The following DDX6 variants were observed in gnomAD, a reference collection of about 807,000 sequenced individuals.
The protein encoded by DDX6 is probable ATP-dependent RNA helicase DDX6.
A neutral mutation model predicts 60.6 loss-of-function variants in DDX6; 7 were observed. The observed-to-expected ratio is 0.12, with a 90% CI of 0.07 to 0.22. The LOEUF (loss-of-function observed/expected upper bound fraction) is 0.22, where lower values mean the gene tolerates loss of function less well. Ranked by LOEUF, DDX6 falls within the 10% of genes least tolerant of loss-of-function variation. The probability of loss-of-function intolerance (pLI) is 1.00; values close to 1 mark genes in which losing one functional copy is unlikely to be tolerated. For missense variants in DDX6, 270 were observed against 589.9 expected (o/e 0.46, Z 5.62); for synonymous variants, 207 against 201.0 (o/e 1.03, Z -0.25).
At position 118,786,337 on chromosome 11, in the gene DDX6, A is replaced by C. The variant is rs1862073757; in HGVS notation, c.-86T>G. 1 of 1,152,148 alleles carries C rather than the reference A, an allele frequency of 8.7e-7. No homozygotes were observed. Among genetic ancestry groups the C allele is most frequent in the Non-Finnish European group, 1.2e-6 (1 of 816,286 alleles). The allele number at this position is 1,152,148 out of a possible 1,614,324, so 71.4% of individuals were successfully genotyped here. The stretch of plus-strand genomic sequence containing the variant: ...GTAATAACAGTTTATTAGGCTCTCC[A>C]AAATGAAGAGATAAATATAAGTCTT... On this transcript the variant is annotated 5_prime_UTR_variant, in exon 2 of 14. Transcript: ENST00000534980.
chr11:118,758,264 T>C (rs1861044629), intron 9 of DDX6, among the ~76,000 whole-genome samples: 1 of 152,224 alleles, frequency 6.6e-6, no homozygotes, highest in African/African-American at 2.4e-5. Context: ...GTCAAAGTAT[T>C]TCAGAAACTA....
chr11:118,786,355 TAA>T lies in DDX6; in HGVS notation c.-106_-105del. 9.9e-7 allele frequency: 1 copy of T among 1,006,396 alleles called. No homozygotes were observed. Among genetic ancestry groups the T allele is most frequent in the Non-Finnish European group, 1.4e-6 (1 of 697,838 alleles). 62.3% of individuals were successfully genotyped at this position (1,006,396 alleles called of 1,614,324 possible). A position where few individuals can be genotyped will look rare whatever the true frequency, so the allele number is the denominator to read the frequency against. On this transcript the variant is annotated 5_prime_UTR_variant, in exon 2 of 14. Coordinates refer to ENST00000534980, the MANE Select transcript of DDX6 (RefSeq NM_004397.6). ...GCTCTCCAAAATGAAGAGATAAATA[TAA>T]GTCTTGCTCAATAAATGAGTCCTTT... is the stretch of plus-strand genomic sequence containing the variant.
chr11:118,762,911 T>C (rs1861223495), intron 7 of DDX6, among the ~76,000 whole-genome samples: 1 of 152,192 alleles, frequency 6.6e-6, no homozygotes, highest in Non-Finnish European at 1.5e-5. Context: ...TAAAAATTAA[T>C]CACAGAGCAG....
intron 13 of DDX6, among the ~76,000 whole-genome samples, chr11:118,753,856 A>C (rs1860871158): frequency 6.6e-6 from 1 of 152,048 alleles, no homozygotes; most frequent in Non-Finnish European, 1.5e-5. Context: ...TCCCTTTAGG[A>C]GGCTGAGGCG....
chr11:118,776,440 A>G (rs1383036129), intron 4 of DDX6, among the ~76,000 whole-genome samples: 2 of 152,184 alleles, frequency 1.3e-5, no homozygotes, highest in Non-Finnish European at 2.9e-5. Flanking sequence ...GACATGAGTT[A>G]CCTAAGTTTC....
intron 9 of DDX6, 94 bp downstream of exon 9, chr11:118,758,680 T>G: frequency 1.3e-6 from 2 of 1,487,838 alleles, no homozygotes; most frequent in Non-Finnish European, 1.8e-6. Flanking sequence ...CACTACGAAC[T>G]TTTATACAGT....
rs1367156308 is a variant in DDX6, at chr11:118,751,702, CAG to C, written c.*401_*402del. The C allele has an allele frequency of 1.5e-5, 4 of 274,644 alleles. No individual in the cohort carries two copies. The highest frequency in any genetic ancestry group is 9.1e-5 in the African/African-American group (4 of 43,830). The allele number at this position is 274,644 out of a possible 1,614,324, so 17.0% of individuals were successfully genotyped here. On this transcript the variant is annotated 3_prime_UTR_variant, in exon 14 of 14. Coordinates refer to ENST00000534980, the MANE Select transcript of DDX6 (RefSeq NM_004397.6). ...CAGGCTTAAAAAACGGATGAGGAATCAGGGAGAAGTTGAAATGCACGAGAGTC... is the reference window on the plus strand; with the variant it reads ...CAGGCTTAAAAAACGGATGAGGAATCGGAGAAGTTGAAATGCACGAGAGTC...
At chr11:118,756,029 C>CCCCA (rs1491121650) in intron 11 of DDX6, among the ~76,000 whole-genome samples, 5 of 95,032 alleles carry the variant, frequency 5.3e-5, no homozygotes, top group Admixed American at 1.2e-4. Context: ...CCCCCCCCCC[C>CCCCA]AAAAAAAAGA....
intron 4 of DDX6, among the ~76,000 whole-genome samples, chr11:118,777,897 G>GAAAAAAAAAAA (rs374046858): frequency 3.0e-5 from 3 of 99,638 alleles, no homozygotes; most frequent in Non-Finnish European, 5.6e-5. Flanking sequence ...TCAAAAAAGA[G>GAAAAAAAAAAA]AAAAAAAAAA....
At chr11:118,769,126 T>C (rs1555161896) in intron 4 of DDX6, among the ~76,000 whole-genome samples, 1 of 151,022 alleles carries the variant, frequency 6.6e-6, no homozygotes, top group Non-Finnish European at 1.5e-5. Context: ...ACCCCATCTC[T>C]ACAAAAATTT....
intron 13 of DDX6, among the ~76,000 whole-genome samples, chr11:118,753,443 G>A (rs1485641750): frequency 6.7e-6 from 1 of 148,328 alleles, no homozygotes; most frequent in Non-Finnish European, 1.5e-5. Flanking sequence ...AGGTTCAAGT[G>A]ATTCGCCTGC....
intron 4 of DDX6, 33 bp downstream of exon 4, chr11:118,779,599 A>G (rs782282645): frequency 2.9e-6 from 4 of 1,396,222 alleles, no homozygotes; most frequent in Non-Finnish European, 3.0e-6. Flanking sequence ...TTGACACATA[A>G]CCTTACATAT....
Position 118,751,403 on chromosome 11 carries a change from G to A in DDX6, c.*702C>T, listed in dbSNP as rs1285402598. On this transcript the variant is annotated 3_prime_UTR_variant, in exon 14 of 14. Coordinates refer to ENST00000534980, the MANE Select transcript of DDX6 (RefSeq NM_004397.6). ...CATGTATTTACAGTGCGGATGAACT[G>A]CAGTTGCATATCAACTCCTCCCCAA... is the stretch of plus-strand genomic sequence containing the variant. 6.6e-6 allele frequency: 1 copy of A among 151,672 alleles called. No individual in the cohort carries two copies. Among genetic ancestry groups the A allele is most frequent in the Non-Finnish European group, 1.5e-5 (1 of 67,968 alleles). 9.4% of individuals were successfully genotyped at this position (151,672 alleles called of 1,614,324 possible).
intron 11 of DDX6, 132 bp downstream of exon 11, chr11:118,756,128 C>A: frequency 1.6e-6 from 1 of 628,104 alleles, no homozygotes; most frequent in Non-Finnish European, 2.7e-6. Flanking sequence ...TCATTTTCAA[C>A]TTCAGAAATC....
intron 13 of DDX6, among the ~76,000 whole-genome samples, chr11:118,753,258 G>A (rs1860842198): frequency 6.6e-6 from 1 of 151,410 alleles, no homozygotes; most frequent in Admixed American, 6.6e-5. Flanking sequence ...TTGAAGTCCT[G>A]ACCTCAGGTA....
chr11:118,785,373 A>T (rs976511958), intron 2 of DDX6, among the ~76,000 whole-genome samples: 9 of 149,910 alleles, frequency 6.0e-5, no homozygotes, highest in South Asian at 2.1e-4. Context: ...AAAATTAAAA[A>T]TTTTTTTTTT....
intron 4 of DDX6, among the ~76,000 whole-genome samples, chr11:118,772,214 T>C (rs1334285525): frequency 3.3e-5 from 5 of 152,162 alleles, no homozygotes; most frequent in Admixed American, 2.0e-4. Context: ...TTTCACAAAA[T>C]AGCACATTAA....
intron 7 of DDX6, 99 bp downstream of exon 7, chr11:118,763,113 A>T: frequency 1.3e-6 from 1 of 743,058 alleles, no homozygotes; most frequent in Non-Finnish European, 2.2e-6. Context: ...TGTGTTTATT[A>T]GATCATAAAC....
Position 118,768,213 on chromosome 11 carries a change from T to C in DDX6, c.499+10A>G. 1 of 1,610,036 alleles carries C rather than the reference T, an allele frequency of 6.2e-7. No homozygotes were observed. Among genetic ancestry groups the C allele is most frequent in the Non-Finnish European group, 8.5e-7 (1 of 1,177,626 alleles). On this transcript the variant is annotated intron_variant, in intron 5 of 13. Coordinates refer to ENST00000534980, the MANE Select transcript of DDX6 (RefSeq NM_004397.6). The stretch of plus-strand genomic sequence containing the variant: ...TTTTTAGTTTAAAAACAAACTTTTA[T>C]TCAACTAACCTTGTATATTGTCCTT...
Sources: gnomAD v4.1 joint callset for allele counts (sites outside exome capture counted in the v4.1 genomes callset) on GRCh38, gnomAD v4.1.1 for gene constraint, MANE v1.5 for transcripts, NCBI Gene and HGNC (gene_info 2026-07-23, HGNC 2026-07-21) for gene names.